FOXP1: variants seen among roughly 807,000 people sequenced by gnomAD.
The protein encoded by FOXP1 is forkhead box protein P1.
FOXP1 carries 15 observed loss-of-function variants against 98.2 expected under a neutral mutation model. The ratio of observed to expected loss-of-function variants is 0.15; its 90% CI spans 0.10 to 0.24. The LOEUF (loss-of-function observed/expected upper bound fraction) is 0.24. FOXP1 is among the 10% of genes least tolerant of loss of function. FOXP1 has a pLI of 1.00. For synonymous variants in FOXP1, 371 were observed against 314.5 expected (o/e 1.18, Z -1.90); for missense variants, 633 against 848.5 (o/e 0.75, Z 3.15).
At chr3:71,352,007 A>G (rs554689102) in intron 4 of FOXP1, among the ~76,000 whole-genome samples, 53 of 152,338 alleles carry the variant, frequency 3.5e-4, no homozygotes, top group African/African-American at 1.3e-3. Flanking sequence ...AAGCATTTGA[A>G]GAAGTCTAGT....
At chr3:71,281,881 G>C (rs1560236097) in intron 5 of FOXP1, among the ~76,000 whole-genome samples, 1 of 151,216 alleles carries the variant, frequency 6.6e-6, no homozygotes, top group South Asian at 2.1e-4. Flanking sequence ...CATGTCACTT[G>C]AGTTCAGGAG....
chr3:70,975,872 T>G (rs1362107927), intron 17 of FOXP1, among the ~76,000 whole-genome samples: 1 of 152,174 alleles, frequency 6.6e-6, no homozygotes, highest in Non-Finnish European at 1.5e-5. Context: ...GTGGAATCTT[T>G]GAGCCAGCTG....
chr3:71,046,451 TAAGAGA>T (rs1279195394), intron 10 of FOXP1, among the ~76,000 whole-genome samples: 3 of 152,208 alleles, frequency 2.0e-5, no homozygotes, highest in Non-Finnish European at 4.4e-5. Context: ...TTCCTTTTTA[TAAGAGA>T]AAGTGGTTGA....
At chr3:71,113,574 G>T (rs1040060817) in intron 6 of FOXP1, among the ~76,000 whole-genome samples, 4 of 152,020 alleles carry the variant, frequency 2.6e-5, no homozygotes, top group Non-Finnish European at 5.9e-5. Flanking sequence ...TTAGCTGGGT[G>T]TGGTGGCAGA....
At chr3:71,523,823 T>G (rs1156752672) in intron 2 of FOXP1, among the ~76,000 whole-genome samples, 2 of 152,126 alleles carry the variant, frequency 1.3e-5, no homozygotes, top group Non-Finnish European at 2.9e-5. Context: ...CCTTTCAAGT[T>G]TAACTCCTTC....
At chr3:71,329,448 C>T (rs2076156256) in intron 4 of FOXP1, among the ~76,000 whole-genome samples, 1 of 89,648 alleles carries the variant, frequency 1.1e-5, no homozygotes, top group East Asian at 9.1e-4. Flanking sequence ...GTCTTGATCT[C>T]CTACCTCGTG....
intron 3 of FOXP1, among the ~76,000 whole-genome samples, chr3:71,477,201 C>A (rs557552820): frequency 6.6e-6 from 1 of 152,280 alleles, no homozygotes; most frequent in East Asian, 1.9e-4. Flanking sequence ...GCACACAATG[C>A]TGCAGGCCTC....
At chr3:70,991,310 TGGCCGAAATA>T (rs1336859173) in intron 13 of FOXP1, among the ~76,000 whole-genome samples, 1 of 152,150 alleles carries the variant, frequency 6.6e-6, no homozygotes, top group Non-Finnish European at 1.5e-5. Context: ...TTCTACCCTT[TGGCCGAAATA>T]GGTCATCTCC....
At chr3:71,582,300 G>C (rs73839909) in intron 1 of FOXP1, 27 of 977,694 alleles carry the variant, frequency 2.8e-5, no homozygotes, top group Non-Finnish European at 3.2e-5. Context: ...GGAGGCGGGA[G>C]GCGGGGGCGA....
chr3:71,124,924 T>TG (rs1304813705), intron 6 of FOXP1, among the ~76,000 whole-genome samples: 1 of 152,198 alleles, frequency 6.6e-6, no homozygotes, highest in East Asian at 1.9e-4. Flanking sequence ...CATCCTCTCT[T>TG]GAACCCAAAG....
At chr3:71,541,235 T>C (rs2044782474) in intron 2 of FOXP1, among the ~76,000 whole-genome samples, 1 of 152,268 alleles carries the variant, frequency 6.6e-6, no homozygotes, top group Non-Finnish European at 1.5e-5. Flanking sequence ...CACTGGTCAA[T>C]TATAATTCTC....
intron 7 of FOXP1, among the ~76,000 whole-genome samples, chr3:71,083,972 G>C (rs559284277): frequency 1.3e-5 from 2 of 152,174 alleles, no homozygotes; most frequent in Non-Finnish European, 2.9e-5. Context: ...AGCACTGCCT[G>C]AGGGAAACCC....
At chr3:71,307,579 A>G (rs2074367992) in intron 4 of FOXP1, among the ~76,000 whole-genome samples, 1 of 152,192 alleles carries the variant, frequency 6.6e-6, no homozygotes, top group South Asian at 2.1e-4. Context: ...CCTTCCAAAT[A>G]AGGTGTTAGA....
chr3:71,137,479 T>C (rs1362074296), intron 6 of FOXP1, among the ~76,000 whole-genome samples: 1 of 152,152 alleles, frequency 6.6e-6, no homozygotes, highest in East Asian at 1.9e-4. Flanking sequence ...TATTAATATT[T>C]TGGGGAACAT....
At chr3:71,414,198 C>T (rs1230018681) in intron 3 of FOXP1, among the ~76,000 whole-genome samples, 1 of 152,170 alleles carries the variant, frequency 6.6e-6, no homozygotes, top group Non-Finnish European at 1.5e-5. Context: ...CCAACCACCT[C>T]CCTGAGATTG....
At chr3:71,168,592 C>T (rs184302030) in intron 6 of FOXP1, among the ~76,000 whole-genome samples, 1 of 152,332 alleles carries the variant, frequency 6.6e-6, no homozygotes, top group African/African-American at 2.4e-5. Flanking sequence ...AATAACATTT[C>T]CCATCAGCAT....
rs1254011669 is a variant in FOXP1, at chr3:70,956,197, C to G, written c.*3050G>C. ...AAAAAGAACCGCCCTCTGCCCTCCC[C>G]CAAAAAAGACAAAGATTCACACAGA... is the stretch of plus-strand genomic sequence containing the variant. On this transcript the variant is annotated 3_prime_UTR_variant, in exon 21 of 21. Transcript: ENST00000649528. The G allele has an allele frequency of 1.3e-5, 3 of 233,390 alleles. No individual in the cohort carries two copies. The highest frequency in any genetic ancestry group is 1.8e-4 in the South Asian group (1 of 5,518). 14.5% of individuals were successfully genotyped at this position (233,390 alleles called of 1,614,324 possible).
intron 6 of FOXP1, among the ~76,000 whole-genome samples, chr3:71,118,917 T>C (rs1048235433): frequency 6.6e-6 from 1 of 152,228 alleles, no homozygotes; most frequent in Non-Finnish European, 1.5e-5. Context: ...AGAGACCACA[T>C]GGCCCTTCAG....
chr3:71,104,431 C>T (rs1158174721), intron 7 of FOXP1, among the ~76,000 whole-genome samples: 2 of 152,058 alleles, frequency 1.3e-5, no homozygotes, highest in Non-Finnish European at 2.9e-5. Context: ...TTATTTTTTT[C>T]GTTAAGAAGA....
Sources: gnomAD v4.1 joint callset for allele counts (sites outside exome capture counted in the v4.1 genomes callset) on GRCh38, gnomAD v4.1.1 for gene constraint, MANE v1.5 for transcripts, NCBI Gene and HGNC (gene_info 2026-07-23, HGNC 2026-07-21) for gene names.